The following RPL5 variants were observed in gnomAD, a reference collection of about 807,000 sequenced individuals.
The protein encoded by RPL5 is ribosomal protein L5.
RPL5 carries 1 observed loss-of-function variant against 38.4 expected under a neutral mutation model. The ratio of observed to expected loss-of-function variants is 0.03; its 90% CI spans 0.01 to 0.12. The LOEUF is 0.12. Ranked by LOEUF, RPL5 falls within the 10% of genes least tolerant of loss-of-function variation. RPL5 has a pLI of 1.00. For synonymous variants in RPL5, 109 were observed against 121.2 expected (o/e 0.90, Z 0.66); for missense variants, 243 against 374.1 (o/e 0.65, Z 2.89).
chr1:92,837,539 T>C lies in RPL5; in HGVS notation c.611T>C (p.Val204Ala), dbSNP rs1687176905. The change falls in exon 6 of 8, where the codon GTT becomes GCT. Residue 204 changes from valine to alanine, a missense_variant. Physicochemically the swap from Val to Ala is moderately conservative, Grantham distance 64 (BLOSUM62 0). Transcript: ENST00000370321. ...VHRKHIMGQN[V>A]ADYMRYLMEE... ...CGGAAGCACATCATGGGCCAGAATG[T>C]TGCAGATTACATGCGCTACTTAATG... is the stretch of plus-strand genomic sequence containing the variant. The C allele has an allele frequency of 5.6e-6, 9 of 1,612,208 alleles. No homozygotes were observed. Among genetic ancestry groups the C allele is most frequent in the Non-Finnish European group, 5.9e-6 (7 of 1,179,802 alleles).
intron 7 of RPL5, among the ~76,000 whole-genome samples, chr1:92,841,306 G>GCA: frequency 6.6e-6 from 1 of 152,100 alleles, no homozygotes; most frequent in East Asian, 1.9e-4. Flanking sequence ...ATTTCACTGA[G>GCA]CACAATATTC....
Position 92,841,872 on chromosome 1 carries a change from C to G in RPL5, c.*7C>G, listed in dbSNP as rs571701737. 4 of 1,606,276 alleles carry G rather than the reference C, an allele frequency of 2.5e-6. No individual in the cohort carries two copies. In the South Asian group the frequency reaches 4.4e-5, roughly 18 times the overall value. ...GCGGGCTGCTGAGAGCTAAACCCAG[C>G]AATTTTCTATGATTTTTTCAGATAT... On this transcript the variant is annotated 3_prime_UTR_variant, in exon 8 of 8. Coordinates refer to ENST00000370321, the MANE Select transcript of RPL5 (RefSeq NM_000969.5).
chr1:92,840,701 C>A, intron 7 of RPL5, 62 bp downstream of exon 7: 1 of 1,200,196 alleles, frequency 8.3e-7, no homozygotes, highest in Non-Finnish European at 1.2e-6. Flanking sequence ...CCACGTGGGG[C>A]AGACTGTTGG....
At position 92,834,862 on chromosome 1, in the gene RPL5, C is replaced by T; in HGVS notation, c.273C>T (p.Gly91=). Residue 91 remains glycine, a synonymous_variant, in exon 4 of 8, where the codon GGC becomes GGT. Transcript: ENST00000370321. The part of the protein sequence containing the change: ...HELPKYGVKV[G]LTNYAAAYCT... ...TGCCAAAATATGGTGTGAAGGTTGG[C>T]CTGACAAATTATGCTGCAGCATATT... is the stretch of plus-strand genomic sequence containing the variant. The T allele has an allele frequency of 6.2e-7, 1 of 1,606,464 alleles. No individual in the cohort carries two copies. Among genetic ancestry groups the T allele is most frequent in the Non-Finnish European group, 8.5e-7 (1 of 1,179,968 alleles).
intron 1 of RPL5, chr1:92,832,392 C>G: frequency 1.7e-6 from 1 of 598,668 alleles, no homozygotes; most frequent in South Asian, 1.9e-5. Flanking sequence ...AGTGCGGATA[C>G]TGCCGTCTAG....
Position 92,841,463 on chromosome 1 carries a change from ACT to A in RPL5, c.795-298_795-297del, listed in dbSNP as rs199534167. Among the ~76,000 whole-genome samples the A allele has an allele frequency of 1.1e-3, 169 of 152,162 alleles. 2 individuals are homozygous for A. In the East Asian group the frequency reaches 0.028, roughly 25 times the overall value. On this transcript the variant is annotated intron_variant, in intron 7 of 7. Transcript: ENST00000370321. Reference sequence around the variant, plus strand: ...GTGCTGCAATGAACATGGGAGTGCCACTCTCTTGGACAAACTGATTTCAAAAC... The same window carrying A: ...GTGCTGCAATGAACATGGGAGTGCCACTCTTGGACAAACTGATTTCAAAAC...
intron 4 of RPL5, 64 bp from the exon 5 acceptor site, chr1:92,836,126 G>T: frequency 6.9e-6 from 10 of 1,451,572 alleles, no homozygotes; most frequent in Non-Finnish European, 8.7e-6. Flanking sequence ...TATGACATAA[G>T]CTATTTTAAT....
intron 4 of RPL5, among the ~76,000 whole-genome samples, chr1:92,835,617 G>A (rs920645728): frequency 7.1e-5 from 10 of 141,152 alleles, no homozygotes; most frequent in Non-Finnish European, 1.5e-4. Context: ...CTGAGATCAC[G>A]CCATTGCACT....
intron 3 of RPL5, 52 bp downstream of exon 3, chr1:92,833,712 T>C: frequency 6.9e-7 from 1 of 1,444,492 alleles, no homozygotes; most frequent in Non-Finnish European, 9.7e-7. Flanking sequence ...GAAATTGTGC[T>C]TGGGAAGCAA....
intron 6 of RPL5, chr1:92,840,237 C>G (rs879864791): frequency 1.5e-5 from 5 of 326,256 alleles, no homozygotes; most frequent in African/African-American, 8.7e-5. Flanking sequence ...TCTCAAACTC[C>G]TGGGCTGAAG....
Position 92,833,384 on chromosome 1 carries a change from T to C in RPL5, c.4-5T>C. 3 of 1,606,950 alleles carry C rather than the reference T, an allele frequency of 1.9e-6. No individual in the cohort carries two copies. The highest frequency in any genetic ancestry group is 2.6e-6 in the Non-Finnish European group (3 of 1,173,638). ...AAGTTTTAATAACATTCTTTTTTCT[T>C]TAAGGGGTTTGTTAAAGTTGTTAAG... On this transcript the variant is annotated splice_polypyrimidine_tract_variant and splice_region_variant and intron_variant, in intron 1 of 7. Coordinates refer to ENST00000370321, the MANE Select transcript of RPL5 (RefSeq NM_000969.5).
chr1:92,835,318 T>G, intron 4 of RPL5: 1 of 311,108 alleles, frequency 3.2e-6, no homozygotes. Flanking sequence ...GGAATCTGTA[T>G]TTTGATAGTA....
At chr1:92,835,198 C>CTAGT in intron 4 of RPL5, 1 of 485,982 alleles carries the variant, frequency 2.1e-6, no homozygotes, top group Non-Finnish European at 3.8e-6. Context: ...CCACTTGTAG[C>CTAGT]TAGTGTCTAC....
intron 1 of RPL5, 122 bp from the exon 2 acceptor site, chr1:92,833,267 A>T: frequency 1.2e-6 from 1 of 813,786 alleles, no homozygotes; most frequent in Non-Finnish European, 2.1e-6. Flanking sequence ...CTGGGATTCT[A>T]CAAGTGACAG....
At chr1:92,832,300 T>A in intron 1 of RPL5, 183 bp downstream of exon 1, 2 of 924,528 alleles carry the variant, frequency 2.2e-6, no homozygotes, top group Non-Finnish European at 3.4e-6. Flanking sequence ...GTGCGCGAAC[T>A]TGGGGGGAGG....
intron 3 of RPL5, 32 bp from the exon 4 acceptor site, chr1:92,834,747 A>G: frequency 6.2e-7 from 1 of 1,611,900 alleles, no homozygotes; most frequent in East Asian, 2.2e-5. Flanking sequence ...TGAAAGCAAC[A>G]GATTACTAAC....
intron 5 of RPL5, chr1:92,836,899 TG>T (rs986194356): frequency 5.5e-4 from 115 of 208,070 alleles, no homozygotes; most frequent in African/African-American, 2.6e-3. Flanking sequence ...TGATATTTTT[TG>T]TTGTTGAGTC....
At chr1:92,836,421 C>T in intron 5 of RPL5, 29 bp downstream of exon 5, 1 of 1,596,148 alleles carries the variant, frequency 6.3e-7, no homozygotes, top group East Asian at 2.2e-5. Flanking sequence ...ACCTTGGTGC[C>T]TGGACCGTGG....
chr1:92,836,059 T>G, intron 4 of RPL5, 131 bp from the exon 5 acceptor site: 1 of 791,170 alleles, frequency 1.3e-6, no homozygotes, highest in Non-Finnish European at 2.3e-6. Context: ...GTGGATCTGG[T>G]GAAAGGGTGG....
Sources: allele counts gnomAD v4.1 joint callset (sites outside exome capture counted in the v4.1 genomes callset), GRCh38; gene constraint gnomAD v4.1.1; transcripts MANE v1.5; gene names NCBI Gene and HGNC (gene_info 2026-07-23, HGNC 2026-07-21).